The following DTNA variants were observed in gnomAD, a reference collection of about 807,000 sequenced individuals.
DTNA encodes the protein dystrophin-related protein 3.
In DTNA, 43 loss-of-function variants were observed where a neutral mutation model predicts 100.7. The ratio of observed to expected loss-of-function variants is 0.43; its 90% CI spans 0.33 to 0.55. DTNA has a LOEUF of 0.55. Ranked by LOEUF, DTNA falls within the 20% of genes least tolerant of loss-of-function variation. The pLI, the probability that DTNA is intolerant of heterozygous loss-of-function variation, is 0.04. For missense variants in DTNA, 798 were observed against 953.9 expected (o/e 0.84, Z 2.15); for synonymous variants, 349 against 347.9 (o/e 1.00, Z -0.04).
intron 1 of DTNA, among the ~76,000 whole-genome samples, chr18:34,651,995 G>T (rs948521772): frequency 6.6e-5 from 10 of 151,972 alleles, no homozygotes; most frequent in African/African-American, 2.4e-4. Flanking sequence ...GAGCCAGGGG[G>T]GTCAAGGCTG....
At chr18:34,741,010 A>C (rs1015104158) in intron 1 of DTNA, among the ~76,000 whole-genome samples, 3 of 152,116 alleles carry the variant, frequency 2.0e-5, no homozygotes, top group African/African-American at 4.8e-5. Context: ...TCCATTTACA[A>C]ACTCTAACTT....
chr18:34,609,726 TG>T (rs2053861216), intron 1 of DTNA, among the ~76,000 whole-genome samples: 1 of 152,184 alleles, frequency 6.6e-6, no homozygotes, highest in South Asian at 2.1e-4. Context: ...TCTACTTGCC[TG>T]TGATTTTGGA....
chr18:34,845,880 A>G (rs970851253), intron 13 of DTNA, among the ~76,000 whole-genome samples: 26 of 152,178 alleles, frequency 1.7e-4, no homozygotes, highest in African/African-American at 4.8e-4. Context: ...TAAAATCTCA[A>G]TCCACTGGGA....
At chr18:34,637,109 C>A (rs190834168) in intron 1 of DTNA, among the ~76,000 whole-genome samples, 1 of 152,148 alleles carries the variant, frequency 6.6e-6, no homozygotes, top group African/African-American at 2.4e-5. Context: ...ACCTTGCTTG[C>A]GTAATTGCTG....
chr18:34,580,720 A>G (rs1416977979), intron 1 of DTNA, among the ~76,000 whole-genome samples: 1 of 152,190 alleles, frequency 6.6e-6, no homozygotes, highest in African/African-American at 2.4e-5. Context: ...CTTTCCAGGT[A>G]TATGGATATC....
chr18:34,494,835 CAG>C (rs2144340963), intron 1 of DTNA, among the ~76,000 whole-genome samples: 1 of 152,116 alleles, frequency 6.6e-6, no homozygotes, highest in South Asian at 2.1e-4. Flanking sequence ...TTTTGAACCT[CAG>C]AGATACTTGT....
intron 1 of DTNA, among the ~76,000 whole-genome samples, chr18:34,728,398 A>G (rs966660316): frequency 1.3e-5 from 2 of 152,180 alleles, no homozygotes; most frequent in Non-Finnish European, 2.9e-5. Flanking sequence ...AGTTTAAAAA[A>G]TTTAAAAAAA....
intron 4 of DTNA, among the ~76,000 whole-genome samples, chr18:34,799,443 C>CA (rs34358463): frequency 5.1e-4 from 78 of 151,746 alleles, no homozygotes; most frequent in African/African-American, 1.8e-3. Context: ...TTCTCTGCAC[C>CA]AAAAAAAGTA....
rs573050401 is a variant in DTNA, at chr18:34,572,018, G to T, written c.-2+78504G>T. Among the ~76,000 whole-genome samples the T allele has an allele frequency of 8.5e-5, 13 of 152,202 alleles. No homozygotes were observed. The South Asian group carries it at 2.7e-3, about 32-fold the overall frequency. On this transcript the variant is annotated intron_variant, in intron 1 of 19. Coordinates refer to the DTNA transcript ENST00000283365. ...GTGAAATAAAATGCATTTGTGCAAG[G>T]CCCTGACATCATATCAAAATTCAGT...
Position 34,890,168 on chromosome 18 carries a change from CA to C in DTNA, c.*2435del. 2 of 1,440,080 alleles carry C rather than the reference CA, an allele frequency of 1.4e-6. No individual in the cohort carries two copies. 89.2% of individuals were successfully genotyped at this position (1,440,080 alleles called of 1,614,324 possible). A position where few individuals can be genotyped will look rare whatever the true frequency, so the allele number is the denominator to read the frequency against. ...TTCTGCTGATAACCTTCCCCGTTGT[CA>C]TAGCTATTTCATTGCCAACCAACTC... On this transcript the variant is annotated 3_prime_UTR_variant, in exon 23 of 23. Transcript: ENST00000444659.
intron 1 of DTNA, chr18:34,493,651 G>C (rs1435937422): frequency 6.7e-6 from 1 of 150,018 alleles, no homozygotes; most frequent in African/African-American, 2.4e-5. Flanking sequence ...GTGCAGAGGA[G>C]CCCGCCGCGG....
chr18:34,838,142 G>T lies in DTNA; in HGVS notation c.1224G>T (p.Arg408Ser). Residue 408 changes from arginine to serine, a missense_variant, in exon 12 of 23, where the codon AGG becomes AGT. By Grantham distance (110) the Arg-to-Ser change is moderately radical. This residue lies in a region of DTNA where 159 missense variants were observed against 201.2 expected (regional missense o/e 0.79). Transcript: ENST00000444659. ...SEVEQNKLLA[R>S]AAPAFLKGKG... ...TAGAGCAGAACAAACTGCTGGCTAG[G>T]GCTGCTCCAGCTTTTCTGAAGGGCA... 1 of 1,613,830 alleles carries T rather than the reference G, an allele frequency of 6.2e-7. No homozygotes were observed. Among genetic ancestry groups the T allele is most frequent in the Non-Finnish European group, 8.5e-7 (1 of 1,179,828 alleles).
At chr18:34,705,353 C>T (rs2081982500), upstream of DTNA, among the ~76,000 whole-genome samples, 3 of 152,112 alleles carry the variant, frequency 2.0e-5, no homozygotes, top group South Asian at 6.2e-4. Context: ...AAAGTAACTA[C>T]CATTCCTGAC....
intron 18 of DTNA, among the ~76,000 whole-genome samples, chr18:34,877,136 C>T (rs2096826435): frequency 6.6e-6 from 1 of 152,194 alleles, no homozygotes; most frequent in African/African-American, 2.4e-5. Flanking sequence ...CAAGAATCCT[C>T]ACCCCTTTCT....
chr18:34,837,544 G>T (rs1229476225), intron 11 of DTNA, among the ~76,000 whole-genome samples: 1 of 152,148 alleles, frequency 6.6e-6, no homozygotes, highest in Non-Finnish European at 1.5e-5. Context: ...CAATATATAT[G>T]TATAAGACTC....
chr18:34,703,161 G>A (rs2081618266), intron 1 of DTNA, among the ~76,000 whole-genome samples: 1 of 152,178 alleles, frequency 6.6e-6, no homozygotes, highest in African/African-American at 2.4e-5. Flanking sequence ...TGCTCTGTAT[G>A]TATGTATAGA....
chr18:34,714,528 A>T (rs552082149), intron 1 of DTNA, among the ~76,000 whole-genome samples: 1 of 148,888 alleles, frequency 6.7e-6, no homozygotes. Context: ...TCAAAACCAC[A>T]ATGAGATACC....
Position 34,889,443 on chromosome 18 carries a change from TAA to T in DTNA, c.*1711_*1712del, listed in dbSNP as rs2096951221. 2 of 985,394 alleles carry T rather than the reference TAA, an allele frequency of 2.0e-6. No homozygotes were observed. Among genetic ancestry groups the T allele is most frequent in the African/African-American group, 3.5e-5 (2 of 57,338 alleles). The allele number at this position is 985,394 out of a possible 1,614,324, so 61.0% of individuals were successfully genotyped here. A position where few individuals can be genotyped will look rare whatever the true frequency, so the allele number is the denominator to read the frequency against. ...ACTGCTTTAGAATGAAGTCGTATAA[TAA>T]AGTCTCTGAAAAGGCCTTATTCAGA... On this transcript the variant is annotated 3_prime_UTR_variant, in exon 23 of 23. Coordinates refer to ENST00000444659, the MANE Select transcript of DTNA (RefSeq NM_001386795.1).
chr18:34,798,732 T>C (rs1167926812), intron 4 of DTNA, among the ~76,000 whole-genome samples: 5 of 152,214 alleles, frequency 3.3e-5, no homozygotes, highest in Admixed American at 6.5e-5. Flanking sequence ...CAAGCTATAG[T>C]CTTCCATGAT....
Sources: allele counts gnomAD v4.1 joint callset (sites outside exome capture counted in the v4.1 genomes callset), GRCh38; gene constraint gnomAD v4.1.1; regional missense constraint gnomAD v4.1.1; transcripts MANE v1.5; gene names NCBI Gene and HGNC (gene_info 2026-07-23, HGNC 2026-07-21).